Variants in CHRM3 observed in about 807,000 individuals in gnomAD.
CHRM3 encodes cholinergic receptor muscarinic 3.
In CHRM3, 11 loss-of-function variants were observed where a neutral mutation model predicts 41.8. The observed-to-expected ratio is 0.26, with a 90% CI of 0.17 to 0.44. CHRM3 has a LOEUF of 0.44. Among genes scored for constraint, CHRM3 ranks in the 20% least tolerant of loss-of-function variants. CHRM3 has a pLI of 1.00. For missense variants in CHRM3, 571 were observed against 745.4 expected (o/e 0.77, Z 2.72); for synonymous variants, 297 against 301.4 (o/e 0.99, Z 0.15).
chr1:239,444,329 A>G (rs927076969), intron 1 of CHRM3, among the ~76,000 whole-genome samples: 4 of 152,240 alleles, frequency 2.6e-5, no homozygotes, highest in Non-Finnish European at 5.9e-5. Flanking sequence ...CTGAGTTACC[A>G]TAGGTCACAC....
chr1:239,638,392 G>T (rs1246663668), intron 4 of CHRM3, among the ~76,000 whole-genome samples: 1 of 152,102 alleles, frequency 6.6e-6, no homozygotes, highest in Admixed American at 6.6e-5. Flanking sequence ...GTGTAAAATT[G>T]TTCCTGTTTC....
At chr1:239,573,251 A>G (rs544196466) in intron 3 of CHRM3, among the ~76,000 whole-genome samples, 1 of 152,270 alleles carries the variant, frequency 6.6e-6, no homozygotes, top group South Asian at 2.1e-4. Flanking sequence ...TTTCAGTGCT[A>G]TACCAGTTTG....
At chr1:239,868,894 A>G (rs1676339919) in intron 6 of CHRM3, among the ~76,000 whole-genome samples, 1 of 152,178 alleles carries the variant, frequency 6.6e-6, no homozygotes, top group African/African-American at 2.4e-5. Context: ...TTGATAAAAT[A>G]TGGATAATAG....
At chr1:239,662,750 G>A (rs777191255) in intron 4 of CHRM3, among the ~76,000 whole-genome samples, 3 of 150,746 alleles carry the variant, frequency 2.0e-5, no homozygotes, top group South Asian at 2.1e-4. Flanking sequence ...TTTGTTTTTC[G>A]CTCCTCCTCC....
At chr1:239,590,839 G>A (rs1439328496) in intron 3 of CHRM3, among the ~76,000 whole-genome samples, 1 of 151,890 alleles carries the variant, frequency 6.6e-6, no homozygotes, top group East Asian at 1.9e-4. Context: ...TTATCATACA[G>A]ATAAAAGACA....
chr1:239,885,521 C>T (rs926382489), intron 6 of CHRM3, among the ~76,000 whole-genome samples: 3 of 152,040 alleles, frequency 2.0e-5, no homozygotes, highest in Non-Finnish European at 2.9e-5. Flanking sequence ...CTTCTTGTAC[C>T]GAGAGCAATA....
At chr1:239,735,352 T>G (rs1664306279) in intron 5 of CHRM3, among the ~76,000 whole-genome samples, 1 of 152,194 alleles carries the variant, frequency 6.6e-6, no homozygotes, top group African/African-American at 2.4e-5. Flanking sequence ...GTTCAGCACT[T>G]GCCTCTGCTA....
At chr1:239,768,277 A>G (rs80294873) in intron 5 of CHRM3, among the ~76,000 whole-genome samples, 1 of 152,294 alleles carries the variant, frequency 6.6e-6, no homozygotes, top group Non-Finnish European at 1.5e-5. Flanking sequence ...CTTCAGAAGC[A>G]TTGAACTCCA....
At chr1:239,397,499 C>A (rs1055065888) in intron 1 of CHRM3, among the ~76,000 whole-genome samples, 135 of 151,820 alleles carry the variant, frequency 8.9e-4, no homozygotes, top group African/African-American at 3.1e-3. Context: ...AGTGAAACCC[C>A]TTCTCTCCTA....
intron 5 of CHRM3, among the ~76,000 whole-genome samples, chr1:239,786,469 G>A (rs1342662806): frequency 6.6e-6 from 1 of 152,212 alleles, no homozygotes; most frequent in East Asian, 1.9e-4. Context: ...CCGAGAGAGG[G>A]TAAGTCATTT....
chr1:239,726,634 C>T (rs1466713630), intron 5 of CHRM3, among the ~76,000 whole-genome samples: 1 of 151,842 alleles, frequency 6.6e-6, no homozygotes, highest in African/African-American at 2.4e-5. Context: ...ATGGTGATAT[C>T]TAGTGTACAG....
At chr1:239,811,545 A>G (rs1392326511) in intron 5 of CHRM3, among the ~76,000 whole-genome samples, 2 of 152,210 alleles carry the variant, frequency 1.3e-5, no homozygotes, top group Admixed American at 6.5e-5. Context: ...CTCCTTTGAC[A>G]GCATCTGACA....
At chr1:239,427,025 G>A (rs1031018227) in intron 1 of CHRM3, among the ~76,000 whole-genome samples, 9 of 152,092 alleles carry the variant, frequency 5.9e-5, no homozygotes, top group African/African-American at 2.2e-4. Flanking sequence ...AAGGAGGTGG[G>A]CTCCATTTGA....
At chr1:239,584,719 G>A (rs1663242125) in intron 3 of CHRM3, among the ~76,000 whole-genome samples, 1 of 152,078 alleles carries the variant, frequency 6.6e-6, no homozygotes, top group Admixed American at 6.6e-5. Context: ...TTTCATTAGA[G>A]TCCAGATTTA....
chr1:239,507,285 G>A (rs909216112), intron 2 of CHRM3, among the ~76,000 whole-genome samples: 4 of 152,142 alleles, frequency 2.6e-5, no homozygotes, highest in African/African-American at 9.7e-5. Flanking sequence ...ACAGTGGGAG[G>A]TAATTGAATC....
chr1:239,900,446 C>T (rs1050878339), intron 6 of CHRM3, among the ~76,000 whole-genome samples: 2 of 150,338 alleles, frequency 1.3e-5, no homozygotes, highest in African/African-American at 2.5e-5. Flanking sequence ...TCCTGGGTAC[C>T]GATAGGACCT....
chr1:239,832,397 T>C (rs775777936), intron 6 of CHRM3, among the ~76,000 whole-genome samples: 5 of 152,140 alleles, frequency 3.3e-5, no homozygotes, highest in Admixed American at 6.6e-5. Flanking sequence ...GCAAAATCCC[T>C]AGTATTCGTC....
At chr1:239,627,050 G>A (rs898214446) in intron 3 of CHRM3, among the ~76,000 whole-genome samples, 13 of 136,446 alleles carry the variant, frequency 9.5e-5, no homozygotes, top group African/African-American at 2.4e-4. Flanking sequence ...CAATTCCTGC[G>A]TATCCTTGTT....
intron 1 of CHRM3, among the ~76,000 whole-genome samples, chr1:239,470,769 A>T (rs1373597003): frequency 6.6e-6 from 1 of 152,094 alleles, no homozygotes; most frequent in African/African-American, 2.4e-5. Context: ...ATTACATGGC[A>T]TTGTTTTGTG....
Sources: allele counts gnomAD v4.1 joint callset (sites outside exome capture counted in the v4.1 genomes callset), GRCh38; gene constraint gnomAD v4.1.1; transcripts MANE v1.5; gene names NCBI Gene and HGNC (gene_info 2026-07-23, HGNC 2026-07-21).